The following DGKB variants were observed in gnomAD, a reference collection of about 807,000 sequenced individuals.
DGKB encodes diacylglycerol kinase beta.
In DGKB, 67 loss-of-function variants were observed where a neutral mutation model predicts 114.3. The ratio of observed to expected loss-of-function variants is 0.59; its 90% confidence interval spans 0.48 to 0.72. The LOEUF is 0.72. Ranked by LOEUF, DGKB falls within the 30% of genes least tolerant of loss-of-function variation. The probability of loss-of-function intolerance (pLI) is 0.00; values close to 1 mark genes in which losing one functional copy is unlikely to be tolerated. For synonymous variants in DGKB, 398 were observed against 323.1 expected, an observed-to-expected ratio of 1.23 and a Z score of -2.49; for missense variants, 907 against 975.2, an observed-to-expected ratio of 0.93 and a Z score of 0.93.
intron 1 of DGKB, among the ~76,000 whole-genome samples, chr7:14,951,755 G>A (rs1292869659): frequency 3.3e-5 from 5 of 151,726 alleles, no homozygotes; most frequent in Non-Finnish European, 7.4e-5. Flanking sequence ...GGGGAGAAGA[G>A]GCATTGAGGG....
chr7:14,573,091 T>C (rs546801459), intron 20 of DGKB, among the ~76,000 whole-genome samples: 35 of 152,270 alleles, frequency 2.3e-4, no homozygotes, highest in African/African-American at 8.2e-4. Flanking sequence ...ACACTTACAA[T>C]GAATGAATTA....
chr7:14,563,847 C>G (rs918865947), intron 20 of DGKB, among the ~76,000 whole-genome samples: 1 of 152,036 alleles, frequency 6.6e-6, no homozygotes, highest in Non-Finnish European at 1.5e-5. Context: ...ATTCTGGGGT[C>G]TTCACCAAGT....
Position 14,148,872 on chromosome 7 carries a change from C to G in DGKB, c.*259G>C, listed in dbSNP as rs1781768255. ...AGAGTTGGGTGGGAGATGTAAAAAT[C>G]TATGGGAATGCATGCACCAAAAATA... On this transcript the variant is annotated 3_prime_UTR_variant, in exon 26 of 26. Transcript: ENST00000402815. 2.2e-6 allele frequency: 1 copy of G among 461,906 alleles called. No homozygotes were observed. The highest frequency in any genetic ancestry group is 2.1e-5 in the African/African-American group (1 of 48,476). The allele number at this position is 461,906 out of a possible 1,614,324, so 28.6% of individuals were successfully genotyped here.
At chr7:14,237,852 T>C (rs1470414616) in intron 23 of DGKB, among the ~76,000 whole-genome samples, 2 of 152,056 alleles carry the variant, frequency 1.3e-5, no homozygotes, top group African/African-American at 4.8e-5. Flanking sequence ...TAAGGAATGT[T>C]AATCATTCAT....
chr7:14,323,001 A>G (rs544387411), intron 23 of DGKB, among the ~76,000 whole-genome samples: 41 of 152,312 alleles, frequency 2.7e-4, no homozygotes, highest in African/African-American at 9.6e-4. Flanking sequence ...AGCGTCTACT[A>G]TAGCTGAACA....
At chr7:14,973,925 A>G (rs917837807) in intron 1 of DGKB, among the ~76,000 whole-genome samples, 13 of 149,154 alleles carry the variant, frequency 8.7e-5, no homozygotes, top group Non-Finnish European at 1.6e-4. Context: ...ATATAAATTT[A>G]AAATTATTTA....
intron 23 of DGKB, among the ~76,000 whole-genome samples, chr7:14,269,596 C>A (rs1415499422): frequency 6.6e-6 from 1 of 152,150 alleles, no homozygotes; most frequent in Non-Finnish European, 1.5e-5. Context: ...TCAAATATAT[C>A]TTCTCAGAAT....
At chr7:14,728,274 A>C (rs111343402) in intron 5 of DGKB, among the ~76,000 whole-genome samples, 1 of 152,170 alleles carries the variant, frequency 6.6e-6, no homozygotes, top group Non-Finnish European at 1.5e-5. Flanking sequence ...ATTCTCCTTC[A>C]TGATAGCTGC....
At chr7:14,313,438 G>A (rs1338561856) in intron 23 of DGKB, among the ~76,000 whole-genome samples, 2 of 152,140 alleles carry the variant, frequency 1.3e-5, no homozygotes, top group Non-Finnish European at 2.9e-5. Context: ...AGCCGAAGCA[G>A]GGCGAGGCAT....
intron 23 of DGKB, among the ~76,000 whole-genome samples, chr7:14,306,457 T>A (rs138315463): frequency 8.9e-4 from 135 of 152,242 alleles, no homozygotes; most frequent in African/African-American, 3.1e-3. Flanking sequence ...TGGTCAATAT[T>A]AATAACAATA....
chr7:14,149,288 A>G (rs1451697310), intron 25 of DGKB, 50 bp from the exon 26 acceptor site: 1 of 1,354,138 alleles, frequency 7.4e-7, no homozygotes, highest in Admixed American at 1.8e-5. Flanking sequence ...TAATCTCCAG[A>G]TAGATACAAT....
At chr7:14,586,930 G>A (rs1800871917) in intron 17 of DGKB, among the ~76,000 whole-genome samples, 1 of 151,968 alleles carries the variant, frequency 6.6e-6, no homozygotes, top group South Asian at 2.1e-4. Context: ...TTCTGATGGA[G>A]ATGTGCAGAA....
chr7:14,839,409 T>TC (rs199704796), intron 2 of DGKB, among the ~76,000 whole-genome samples: 10 of 144,716 alleles, frequency 6.9e-5, no homozygotes, highest in Admixed American at 3.5e-4. Context: ...TTCTTCTTCT[T>TC]TTTTTTTTTT....
At chr7:14,510,171 A>T (rs1379289350) in intron 20 of DGKB, among the ~76,000 whole-genome samples, 4 of 152,276 alleles carry the variant, frequency 2.6e-5, no homozygotes, top group African/African-American at 9.6e-5. Context: ...TTAAAGTAAG[A>T]CAACAATCAA....
rs181322622 is a variant in DGKB, at chr7:14,205,561, G to A, written c.2123-27410C>T. 1.7e-4 allele frequency among the ~76,000 whole-genome samples: 26 copies of A among 151,978 alleles called. No individual in the cohort carries two copies. In the East Asian group the frequency reaches 5.1e-3, roughly 30 times the overall value. On this transcript the variant is annotated intron_variant, in intron 23 of 25. Transcript: ENST00000402815. ...TTGTTAAAGGTTTTAAAAAATAAGT[G>A]GATTCTACATAAACATGTGATTCTG...
chr7:14,230,217 T>A (rs7803862), intron 23 of DGKB, among the ~76,000 whole-genome samples: 4,825 of 152,126 alleles, frequency 0.032, 264 homozygotes, highest in African/African-American at 0.11. Context: ...TCTTCATTCT[T>A]TTACTTGGCA....
At chr7:14,561,200 G>A (rs1176105191) in intron 20 of DGKB, among the ~76,000 whole-genome samples, 1 of 152,122 alleles carries the variant, frequency 6.6e-6, no homozygotes, top group African/African-American at 2.4e-5. Context: ...GCTGATGGTT[G>A]TATAATGGAG....
chr7:14,407,195 T>C (rs1241364566), intron 21 of DGKB, among the ~76,000 whole-genome samples: 1 of 152,072 alleles, frequency 6.6e-6, no homozygotes, highest in African/African-American at 2.4e-5. Flanking sequence ...AGTTCAACGG[T>C]TCCAGGAACT....
chr7:14,218,012 C>T (rs1789283222), intron 23 of DGKB, among the ~76,000 whole-genome samples: 1 of 152,020 alleles, frequency 6.6e-6, no homozygotes, highest in Non-Finnish European at 1.5e-5. Context: ...TACTAATATG[C>T]AAATATTAGC....
Sources: allele counts gnomAD v4.1 joint callset (sites outside exome capture counted in the v4.1 genomes callset), GRCh38; gene constraint gnomAD v4.1.1; transcripts MANE v1.5; gene names NCBI Gene and HGNC (gene_info 2026-07-23, HGNC 2026-07-21).